SCARA3: variants seen among roughly 807,000 people sequenced by gnomAD.
The protein encoded by SCARA3 is cellular stress response gene protein.
Under a neutral mutation model 47.0 loss-of-function variants are expected in SCARA3, and 39 were observed. The ratio of observed to expected loss-of-function variants is 0.83; its 90% CI spans 0.64 to 1.08. The LOEUF (loss-of-function observed/expected upper bound fraction) is 1.08. Among genes scored for constraint, SCARA3 ranks in the 50% least tolerant of loss-of-function variants. The pLI, the probability that SCARA3 is intolerant of heterozygous loss-of-function variation, is 0.00. For missense variants in SCARA3, 724 were observed against 792.3 expected (o/e 0.91, Z 1.04); for synonymous variants, 356 against 334.1 (o/e 1.07, Z -0.71).
At chr8:27,712,326 G>T in the SCARA3 span, among the ~76,000 whole-genome samples, 1 of 152,088 alleles carries the variant, frequency 6.6e-6, no homozygotes, top group Non-Finnish European at 1.5e-5. Flanking sequence ...CACTTTGGGA[G>T]GCCGAGGCGG....
At position 27,672,091 on chromosome 8, in the gene SCARA3, CA is replaced by C. The variant is rs1292473162; in HGVS notation, c.*742del. 5.7e-5 allele frequency: 56 copies of C among 985,348 alleles called. No homozygotes were observed. Among genetic ancestry groups the C allele is most frequent in the Non-Finnish European group, 6.5e-5 (54 of 829,976 alleles). The allele number at this position is 985,348 out of a possible 1,614,324, so 61.0% of individuals were successfully genotyped here. On this transcript the variant is annotated 3_prime_UTR_variant, in exon 6 of 6. Coordinates refer to ENST00000301904, the MANE Select transcript of SCARA3 (RefSeq NM_016240.3). Reference sequence around the variant, plus strand: ...AGAGGCAAAGTGGACCTGGCAACCACAAGACCCTCCCCATAAGCAGGGGACC... The same window carrying C: ...AGAGGCAAAGTGGACCTGGCAACCACAGACCCTCCCCATAAGCAGGGGACC...
At chr8:27,663,825 C>T (rs367702763) in intron 5 of SCARA3, among the ~76,000 whole-genome samples, 1 of 152,230 alleles carries the variant, frequency 6.6e-6, no homozygotes, top group African/African-American at 2.4e-5. Context: ...GGCAGCAAAG[C>T]AGCTTGCATG....
intron 3 of SCARA3, among the ~76,000 whole-genome samples, chr8:27,652,364 C>T (rs1341899868): frequency 6.6e-6 from 1 of 152,184 alleles, no homozygotes; most frequent in Admixed American, 6.5e-5. Context: ...TCCCATTCCA[C>T]TAAGAGTGCT....
At chr8:27,706,106 G>A in the SCARA3 span, among the ~76,000 whole-genome samples, 1 of 152,080 alleles carries the variant, frequency 6.6e-6, no homozygotes, top group African/African-American at 2.4e-5. Context: ...AGGGAGTGAA[G>A]GTCTGACTAT....
chr8:27,697,740 C>T, the SCARA3 span, among the ~76,000 whole-genome samples: 1 of 152,184 alleles, frequency 6.6e-6, no homozygotes, highest in Non-Finnish European at 1.5e-5. Context: ...ATAAGTCTCA[C>T]AAGATCTGAT....
chr8:27,658,850 T>C lies in SCARA3; in HGVS notation c.680T>C (p.Val227Ala). Residue 227 changes from valine to alanine, a missense_variant, in exon 5 of 6, where the codon GTG (valine) becomes GCG (alanine). Physicochemically the swap from Val to Ala is moderately conservative, Grantham distance 64 (BLOSUM62 0). Transcript: ENST00000301904. Reference sequence around the variant, plus strand: ...GCAGTGCACCAGATCAACTTCACCGTGGGGCAGACTTCCGAGTGGATCCAC... The same window carrying C: ...GCAGTGCACCAGATCAACTTCACCGCGGGGCAGACTTCCGAGTGGATCCAC... ...KAAVHQINFTVGQTSEWIHGI... is the reference protein window; with the variant it reads ...KAAVHQINFTAGQTSEWIHGI... 1 of 1,614,106 alleles carries C rather than the reference T, an allele frequency of 6.2e-7. No homozygotes were observed. Among genetic ancestry groups the C allele is most frequent in the Non-Finnish European group, 8.5e-7 (1 of 1,180,006 alleles).
chr8:27,696,152 G>A, the SCARA3 span, among the ~76,000 whole-genome samples: 22 of 151,940 alleles, frequency 1.4e-4, no homozygotes, highest in South Asian at 4.2e-3. Context: ...TGGGACTAAA[G>A]GCACATGCCA....
intron 1 of SCARA3, among the ~76,000 whole-genome samples, chr8:27,641,796 T>C (rs1329931059): frequency 3.9e-5 from 6 of 152,088 alleles, no homozygotes; most frequent in Non-Finnish European, 8.8e-5. Context: ...AGACAGTAAA[T>C]CCCATGTCCA....
chr8:27,676,728 C>A, downstream of SCARA3: 2 of 559,468 alleles, frequency 3.6e-6, no homozygotes, highest in South Asian at 4.8e-5. Flanking sequence ...AATTGTGGTA[C>A]ATGAAAATAA....
chr8:27,639,781 C>A (rs1196081080), intron 1 of SCARA3, among the ~76,000 whole-genome samples: 1 of 152,110 alleles, frequency 6.6e-6, no homozygotes, highest in Non-Finnish European at 1.5e-5. Context: ...AGGACACAGG[C>A]AGAGAACCAT....
Position 27,655,100 on chromosome 8 carries a change from G to A in SCARA3, c.227-1682G>A, listed in dbSNP as rs1367757329. On this transcript the variant is annotated intron_variant, in intron 3 of 5. Coordinates refer to ENST00000301904, the MANE Select transcript of SCARA3 (RefSeq NM_016240.3). The stretch of plus-strand genomic sequence containing the variant: ...TAAGTAAATCTACTGACAGCTCTGA[G>A]ATGTACAATATTAACTGGAGCCTGG... 3.3e-5 allele frequency among the ~76,000 whole-genome samples: 5 copies of A among 152,200 alleles called. No homozygotes were observed. The East Asian group carries it at 9.6e-4, about 29-fold the overall frequency.
At chr8:27,674,643 G>A (rs1802235307), downstream of SCARA3, among the ~76,000 whole-genome samples, 1 of 151,488 alleles carries the variant, frequency 6.6e-6, no homozygotes, top group Non-Finnish European at 1.5e-5. Flanking sequence ...TAGAAGCCCA[G>A]CCTTCACCAC....
chr8:27,666,658 C>T (rs1802021333), intron 5 of SCARA3, among the ~76,000 whole-genome samples: 1 of 152,220 alleles, frequency 6.6e-6, no homozygotes, highest in South Asian at 2.1e-4. Flanking sequence ...CAGGCCAGTC[C>T]CTCCAGAGGC....
At chr8:27,638,851 G>C (rs34179595) in intron 1 of SCARA3, among the ~76,000 whole-genome samples, 61 of 152,268 alleles carry the variant, frequency 4.0e-4, no homozygotes, top group Admixed American at 3.1e-3. Flanking sequence ...GGGGTGGGCT[G>C]GGCTCTTTTC....
At chr8:27,660,978 C>T (rs1332333467) in intron 5 of SCARA3, among the ~76,000 whole-genome samples, 1 of 152,182 alleles carries the variant, frequency 6.6e-6, no homozygotes, top group Non-Finnish European at 1.5e-5. Flanking sequence ...GCTGATATCC[C>T]AGTTTGAAGA....
At position 27,652,628 on chromosome 8, in the gene SCARA3, A is replaced by G. The variant is rs560534571; in HGVS notation, c.226+1001A>G. 4.6e-5 allele frequency among the ~76,000 whole-genome samples: 7 copies of G among 152,334 alleles called. No individual in the cohort carries two copies. In the South Asian group the frequency reaches 1.5e-3, roughly 32 times the overall value. On this transcript the variant is annotated intron_variant, in intron 3 of 5. Coordinates refer to ENST00000301904, the MANE Select transcript of SCARA3 (RefSeq NM_016240.3). ...CTTAGCTTGAAGGCAAGAGGCCAGC[A>G]TACTAATGATTTGAATAGACACAAG...
At chr8:27,683,084 C>T in the SCARA3 span, among the ~76,000 whole-genome samples, 5 of 151,786 alleles carry the variant, frequency 3.3e-5, no homozygotes, top group East Asian at 1.9e-4. Flanking sequence ...AAACAAGTTG[C>T]GGCATACCCA....
the SCARA3 span, chr8:27,701,110 G>T: frequency 6.6e-6 from 1 of 151,576 alleles, no homozygotes; most frequent in African/African-American, 2.4e-5. Flanking sequence ...AAAAAAACTA[G>T]TGATATGCAA....
the SCARA3 span, among the ~76,000 whole-genome samples, chr8:27,727,681 A>G: frequency 6.6e-6 from 1 of 152,234 alleles, no homozygotes; most frequent in East Asian, 1.9e-4. Flanking sequence ...TGTTTGGCCT[A>G]TACAATATTA....
Sources: gnomAD v4.1 joint callset for allele counts (sites outside exome capture counted in the v4.1 genomes callset) on GRCh38, gnomAD v4.1.1 for gene constraint, MANE v1.5 for transcripts, NCBI Gene and HGNC (gene_info 2026-07-23, HGNC 2026-07-21) for gene names.